DAB1: variants seen among roughly 807,000 people sequenced by gnomAD.
DAB1 encodes disabled homolog 1.
Under a neutral mutation model 64.6 loss-of-function variants are expected in DAB1, and 15 were observed. The observed-to-expected ratio is 0.23, with a 90% CI of 0.16 to 0.36. The LOEUF is 0.36. Among genes scored for constraint, DAB1 ranks in the 10% least tolerant of loss-of-function variants. The pLI, the probability that DAB1 is intolerant of heterozygous loss-of-function variation, is 1.00. For missense variants in DAB1, 596 were observed against 706.7 expected (o/e 0.84, Z 1.78); for synonymous variants, 235 against 251.9 (o/e 0.93, Z 0.64).
chr1:58,073,068 GA>G (rs1440348513), intron 5 of DAB1, among the ~76,000 whole-genome samples: 2 of 152,148 alleles, frequency 1.3e-5, no homozygotes, highest in African/African-American at 4.8e-5. Context: ...TGGGGAAACA[GA>G]AGCTCATAGA....
At position 57,991,619 on chromosome 1, in the gene DAB1, G is replaced by A. The variant is rs1319522615; in HGVS notation, n.388-107457C>T. Among the ~76,000 whole-genome samples the A allele has an allele frequency of 1.2e-4, 18 of 152,108 alleles. No homozygotes were observed. The South Asian group carries it at 1.5e-3, about 12-fold the overall frequency. ...TCCTAGCACTTTGGTAGGCCAAGAC[G>A]GGTGGATCACTTGAAGTCAAAAGTT... On this transcript the variant is annotated intron_variant and non_coding_transcript_variant, in intron 5 of 20. Coordinates refer to the DAB1 transcript ENST00000485760.
chr1:57,734,681 T>C (rs776446034), intron 6 of DAB1, among the ~76,000 whole-genome samples: 1 of 152,234 alleles, frequency 6.6e-6, no homozygotes, highest in Non-Finnish European at 1.5e-5. Flanking sequence ...ATCAGATCAC[T>C]AGGCAGGGAA....
At chr1:57,030,624 A>G (rs1277403205) in intron 9 of DAB1, among the ~76,000 whole-genome samples, 1 of 152,208 alleles carries the variant, frequency 6.6e-6, no homozygotes, top group Non-Finnish European at 1.5e-5. Context: ...AGCCTTTTCC[A>G]TCAATTCCTG....
At chr1:58,253,764 C>T (rs1660858903) in intron 4 of DAB1, among the ~76,000 whole-genome samples, 1 of 152,198 alleles carries the variant, frequency 6.6e-6, no homozygotes, top group Admixed American at 6.5e-5. Context: ...AGCCTTCTGG[C>T]TCCAAATCTA....
intron 5 of DAB1, among the ~76,000 whole-genome samples, chr1:58,131,279 T>C (rs1414245154): frequency 3.5e-5 from 5 of 141,812 alleles, no homozygotes; most frequent in Non-Finnish European, 7.8e-5. Flanking sequence ...ATTCTTCACG[T>C]AGTTCTCGAG....
chr1:57,796,482 G>C (rs921977923), intron 6 of DAB1, among the ~76,000 whole-genome samples: 1 of 151,810 alleles, frequency 6.6e-6, no homozygotes, highest in East Asian at 1.9e-4. Context: ...AGCTGAGATC[G>C]TGCCGCTGCA....
At chr1:57,797,312 A>G (rs1016925085) in intron 6 of DAB1, among the ~76,000 whole-genome samples, 1 of 152,192 alleles carries the variant, frequency 6.6e-6, no homozygotes, top group Non-Finnish European at 1.5e-5. Flanking sequence ...AGCCCCAGAC[A>G]GGGTAAAGGG....
At chr1:57,968,815 G>A (rs914198317) in intron 5 of DAB1, among the ~76,000 whole-genome samples, 1 of 152,118 alleles carries the variant, frequency 6.6e-6, no homozygotes, top group African/African-American at 2.4e-5. Context: ...TTACAAAGCT[G>A]AATTTATTCA....
At chr1:57,458,326 A>C (rs1177874446) in intron 7 of DAB1, among the ~76,000 whole-genome samples, 2 of 152,048 alleles carry the variant, frequency 1.3e-5, no homozygotes, top group East Asian at 1.9e-4. Flanking sequence ...TATAATTATA[A>C]ACAGAACTGT....
At chr1:58,241,990 T>C (rs1660318253) in intron 4 of DAB1, among the ~76,000 whole-genome samples, 1 of 152,092 alleles carries the variant, frequency 6.6e-6, no homozygotes, top group Non-Finnish European at 1.5e-5. Context: ...AAAAGTTAAA[T>C]CATCCATTAA....
intron 6 of DAB1, among the ~76,000 whole-genome samples, chr1:57,659,479 A>G (rs960662938): frequency 4.6e-5 from 7 of 152,090 alleles, no homozygotes; most frequent in African/African-American, 1.7e-4. Flanking sequence ...GGGTTTGTGG[A>G]GTGGTTGACA....
intron 3 of DAB1, among the ~76,000 whole-genome samples, chr1:58,377,373 T>G (rs1480404204): frequency 2.1e-5 from 3 of 141,814 alleles, no homozygotes; most frequent in African/African-American, 8.0e-5. Context: ...AGGGCAGGCC[T>G]GGTGGTGACA....
At chr1:58,533,698 TTAC>T (rs1308018947) in intron 1 of DAB1, among the ~76,000 whole-genome samples, 7 of 152,128 alleles carry the variant, frequency 4.6e-5, no homozygotes, top group African/African-American at 1.2e-4. Context: ...TTGAGAATAA[TTAC>T]GTTTTAGCAA....
chr1:57,715,142 A>G (rs1647069887), intron 6 of DAB1, among the ~76,000 whole-genome samples: 1 of 152,230 alleles, frequency 6.6e-6, no homozygotes, highest in Non-Finnish European at 1.5e-5. Flanking sequence ...ATCAATGAAC[A>G]TGATAAATCA....
chr1:57,561,251 T>C (rs972265700), intron 7 of DAB1, among the ~76,000 whole-genome samples: 3 of 152,174 alleles, frequency 2.0e-5, no homozygotes, highest in Non-Finnish European at 4.4e-5. Context: ...GCAGGAACCA[T>C]CCAAACGTGG....
chr1:57,717,684 G>T (rs533138019), intron 6 of DAB1, among the ~76,000 whole-genome samples: 22 of 152,092 alleles, frequency 1.4e-4, no homozygotes, highest in Admixed American at 3.3e-4. Context: ...CCCATCTACA[G>T]ATAAATGGAT....
At chr1:58,434,773 A>G (rs902046327) in intron 3 of DAB1, among the ~76,000 whole-genome samples, 5 of 152,234 alleles carry the variant, frequency 3.3e-5, no homozygotes, top group Middle Eastern at 3.2e-3. Flanking sequence ...AGTCACATTT[A>G]GAAAATTAAA....
chr1:57,104,227 CAATT>C, intron 4 of DAB1, among the ~76,000 whole-genome samples: 1 of 152,178 alleles, frequency 6.6e-6, no homozygotes, highest in Admixed American at 6.5e-5. Flanking sequence ...AGTGTGTTCT[CAATT>C]AATCCTGCCT....
intron 2 of DAB1, among the ~76,000 whole-genome samples, chr1:57,255,920 T>C (rs781585067): frequency 1.7e-4 from 26 of 152,216 alleles, no homozygotes; most frequent in Non-Finnish European, 3.4e-4. Context: ...GCTCTTTAGG[T>C]GCAATTTTGA....
Sources: gnomAD v4.1 joint callset for allele counts (sites outside exome capture counted in the v4.1 genomes callset) on GRCh38, gnomAD v4.1.1 for gene constraint, MANE v1.5 for transcripts, NCBI Gene and HGNC (gene_info 2026-07-23, HGNC 2026-07-21) for gene names.